Variants in NEURL2 observed in about 807,000 individuals in gnomAD.
The protein encoded by NEURL2 is neuralized E3 ubiquitin protein ligase 2.
Under a neutral mutation model 15.9 loss-of-function variants are expected in NEURL2, and 16 were observed. That is an observed-to-expected ratio of 1.01 (90% CI 0.68 to 1.53). NEURL2 has a LOEUF of 1.53. Among genes scored for constraint, NEURL2 ranks in the 40% most tolerant of loss-of-function variants. NEURL2 has a pLI of 0.00. For synonymous variants in NEURL2, 188 were observed against 178.3 expected (o/e 1.05, Z -0.43); for missense variants, 393 against 407.8 (o/e 0.96, Z 0.31).
chr20:45,890,774 TTCTC>T lies in NEURL2; in HGVS notation c.214_217del (p.Glu72LysfsTer13). On this transcript the variant is annotated frameshift_variant, in exon 1 of 2. Transcript: ENST00000372518. LOFTEE classifies it high-confidence loss of function. ...CAGATGTCCGCACCAGCCCAGCTCT[TTCTC>T]CTCGATCTCGACCAGGAAGACCTGG... The T allele has an allele frequency of 6.2e-7, 1 of 1,609,870 alleles. No individual in the cohort carries two copies. Among genetic ancestry groups the T allele is most frequent in the Non-Finnish European group, 8.5e-7 (1 of 1,177,766 alleles).
rs893927265 is a variant in NEURL2, at chr20:45,891,161, C to G, written c.-170G>C. 2 of 996,078 alleles carry G rather than the reference C, an allele frequency of 2.0e-6. No individual in the cohort carries two copies. Among genetic ancestry groups the G allele is most frequent in the South Asian group, 1.6e-5 (1 of 63,130 alleles). The allele number at this position is 996,078 out of a possible 1,614,324, so 61.7% of individuals were successfully genotyped here. A position where few individuals can be genotyped will look rare whatever the true frequency, so the allele number is the denominator to read the frequency against. On this transcript the variant is annotated 5_prime_UTR_variant, in exon 1 of 2. Coordinates refer to ENST00000372518, the MANE Select transcript of NEURL2 (RefSeq NM_080749.4). The surrounding 1 kb of genome is among the most constrained non-coding windows in gnomAD (Gnocchi z 4.6). ...TCAGCCATCCCGCCTACAACTTAGCCGTCCACAACAGGATCATCTGATCGC... is the reference window on the plus strand; with the variant it reads ...TCAGCCATCCCGCCTACAACTTAGCGGTCCACAACAGGATCATCTGATCGC...
At position 45,890,971 on chromosome 20, in the gene NEURL2, G is replaced by C; in HGVS notation, c.21C>G (p.Pro7=). The C allele has an allele frequency of 1.3e-6, 2 of 1,494,346 alleles. No homozygotes were observed. The highest frequency in any genetic ancestry group is 8.9e-7 in the Non-Finnish European group (1 of 1,121,728). 92.6% of individuals were successfully genotyped at this position (1,494,346 alleles called of 1,614,324 possible). A position where few individuals can be genotyped will look rare whatever the true frequency, so the allele number is the denominator to read the frequency against. MAAASE[P]VDSGALWGLE... is the part of the protein sequence containing the mutation. ...GTCCCCAGAGTGCACCCGAATCCAC[G>C]GGCTCGGAGGCAGCAGCCATCTCTC... is the stretch of plus-strand genomic sequence containing the variant. The change falls in exon 1 of 2, where the codon CCC becomes CCG. Residue 7 remains proline, a synonymous_variant. Coordinates refer to ENST00000372518, the MANE Select transcript of NEURL2 (RefSeq NM_080749.4).
At chr20:45,889,546 T>G (rs1029004072) in intron 1 of NEURL2, among the ~76,000 whole-genome samples, 2 of 152,026 alleles carry the variant, frequency 1.3e-5, no homozygotes, top group African/African-American at 4.8e-5. Flanking sequence ...ACAGATGGGG[T>G]CTCACTTTGT....
chr20:45,888,651 G>T lies in NEURL2; in HGVS notation c.*107C>A. The T allele has an allele frequency of 5.9e-6, 6 of 1,017,568 alleles. 1 individual carries two copies. The highest frequency in any genetic ancestry group is 3.0e-5 in the South Asian group (2 of 67,498). The allele number at this position is 1,017,568 out of a possible 1,614,324, so 63.0% of individuals were successfully genotyped here. A position where few individuals can be genotyped will look rare whatever the true frequency, so the allele number is the denominator to read the frequency against. On this transcript the variant is annotated 3_prime_UTR_variant, in exon 2 of 2. Coordinates refer to ENST00000372518, the MANE Select transcript of NEURL2 (RefSeq NM_080749.4). The stretch of plus-strand genomic sequence containing the variant: ...TCCAGTGATCAAGATGTCAGCATCG[G>T]CTGTTTATTTCTGGTCTTGGCTGGC...
At position 45,888,699 on chromosome 20, in the gene NEURL2, C is replaced by G; in HGVS notation, c.*59G>C. On this transcript the variant is annotated 3_prime_UTR_variant, in exon 2 of 2. Transcript: ENST00000372518. ...GGCAGCAATGTGGCCAACTTCGGACCAGCCAGCCACAGGTCTGGGGCTCCA... is the reference window on the plus strand; with the variant it reads ...GGCAGCAATGTGGCCAACTTCGGACGAGCCAGCCACAGGTCTGGGGCTCCA... The G allele has an allele frequency of 6.4e-7, 1 of 1,571,786 alleles. No homozygotes were observed. The highest frequency in any genetic ancestry group is 8.7e-7 in the Non-Finnish European group (1 of 1,148,240).
chr20:45,888,894 A>C, intron 1 of NEURL2, 21 bp from the exon 2 acceptor site: 1 of 1,613,878 alleles, frequency 6.2e-7, no homozygotes, highest in Non-Finnish European at 8.5e-7. Context: ...AAGACTGTGA[A>C]AGGCAAACTG....
chr20:45,889,357 CT>C (rs10709455), intron 1 of NEURL2, among the ~76,000 whole-genome samples: 19,451 of 145,220 alleles, frequency 0.13, 1,833 homozygotes, highest in African/African-American at 0.26. Context: ...TCTTTTCTTT[CT>C]TTTTTTTTTT....
intron 1 of NEURL2, among the ~76,000 whole-genome samples, chr20:45,889,788 A>T (rs914371803): frequency 1.4e-4 from 21 of 151,790 alleles, no homozygotes; most frequent in Non-Finnish European, 2.6e-4. Flanking sequence ...TACTTTTTGT[A>T]TTTTTAGTAG....
Position 45,890,962 on chromosome 20 carries a change from C to G in NEURL2, c.30G>C (p.Ser10=), listed in dbSNP as rs571518624. 1.0e-4 allele frequency: 154 copies of G among 1,502,444 alleles called. No individual in the cohort carries two copies. Among genetic ancestry groups the G allele is most frequent in the Non-Finnish European group, 1.3e-4 (149 of 1,125,578 alleles). 93.1% of individuals were successfully genotyped at this position (1,502,444 alleles called of 1,614,324 possible). MAAASEPVD[S]GALWGLERPE... ...GGCGCTCGAGTCCCCAGAGTGCACC[C>G]GAATCCACGGGCTCGGAGGCAGCAG... Residue 10 remains serine (S), a synonymous_variant, in exon 1 of 2, where the codon TCG becomes TCC. Coordinates refer to ENST00000372518, the MANE Select transcript of NEURL2 (RefSeq NM_080749.4).
chr20:45,888,842 C>A lies in NEURL2; in HGVS notation c.774G>T (p.Val258=), dbSNP rs761931744. Residue 258 remains valine, a synonymous_variant, in exon 2 of 2, where the codon GTG becomes GTT. Coordinates refer to ENST00000372518, the MANE Select transcript of NEURL2 (RefSeq NM_080749.4). The stretch of plus-strand genomic sequence containing the variant: ...GCCGGTGCACCATGCTCCTTTGTAT[C>A]ACTAGGCGGCACAGAGTCTGCAGGG... The part of the protein sequence containing the change: ...LPSLQTLCRL[V]IQRSMVHRLA... 1 of 1,613,988 alleles carries A rather than the reference C, an allele frequency of 6.2e-7. No homozygotes were observed. The highest frequency in any genetic ancestry group is 2.2e-5 in the East Asian group (1 of 44,894).
intron 1 of NEURL2, 69 bp downstream of exon 1, chr20:45,890,181 G>A (rs1478022389): frequency 1.3e-6 from 2 of 1,572,396 alleles, no homozygotes; most frequent in African/African-American, 2.7e-5. Flanking sequence ...TAGCACATGG[G>A]CTACGGAGCC....
chr20:45,891,205 C>G lies in NEURL2; in HGVS notation c.-214G>C. The G allele has an allele frequency of 1.8e-6, 2 of 1,119,316 alleles. No individual in the cohort carries two copies. Among genetic ancestry groups the G allele is most frequent in the South Asian group, 2.7e-5 (2 of 73,036 alleles). The allele number at this position is 1,119,316 out of a possible 1,614,324, so 69.3% of individuals were successfully genotyped here. A position where few individuals can be genotyped will look rare whatever the true frequency, so the allele number is the denominator to read the frequency against. ...TGATCGCGTGCGCCCGGGCTACGAT[C>G]TGCGAGGCCCGCGGACCTTGACCCG... On this transcript the variant is annotated 5_prime_UTR_variant, in exon 1 of 2. Transcript: ENST00000372518. This position sits in a 1 kb window ranked among gnomAD's most constrained non-coding sequence, Gnocchi z 4.6.
intron 1 of NEURL2, 65 bp from the exon 2 acceptor site, chr20:45,888,938 AGGTCTAGGTCATGGT>A (rs1759874886): frequency 6.3e-7 from 1 of 1,594,170 alleles, no homozygotes; most frequent in African/African-American, 1.3e-5. Flanking sequence ...AAGATCCAGA[AGGTCTAGGTCATGGT>A]CCCCACTTTG....
In NEURL2 at chr20:45,890,756, C is replaced by A. The variant is rs1376773374; in HGVS notation, c.236G>T (p.Gly79Val). Residue 79 changes from glycine to valine, a missense_variant, in exon 1 of 2, where the codon GGA becomes GTA. By Grantham distance (109) the Gly-to-Val change is moderately radical. Coordinates refer to ENST00000372518, the MANE Select transcript of NEURL2 (RefSeq NM_080749.4). ...EIEEKELGWC[G>V]HLRLGLTALD... ...CGCGGTCAGACCGAGACGCAGATGT[C>A]CGCACCAGCCCAGCTCTTTCTCCTC... 6.2e-7 allele frequency: 1 copy of A among 1,612,470 alleles called. No individual in the cohort carries two copies. Among genetic ancestry groups the A allele is most frequent in the Non-Finnish European group, 8.5e-7 (1 of 1,179,454 alleles).
rs773310703 is a variant in NEURL2 at position 45,890,594 on chromosome 20, G to A, written c.398C>T (p.Ala133Val). The A allele has an allele frequency of 3.7e-6, 6 of 1,612,342 alleles. No individual in the cohort carries two copies. The Admixed American group carries it at 5.0e-5, about 13-fold the overall frequency. The change falls in exon 1 of 2, where the codon GCG becomes GTG. Residue 133 changes from alanine (A) to valine (V), a missense_variant. Transcript: ENST00000372518. ...PREGRPEAEA[A>V]APSRPPTLLV... ...GAGGGTTGGAGGTCGGCTGGGGGCC[G>A]CTGCCTCCGCCTCCGGGCGGCCCTC... is the stretch of plus-strand genomic sequence containing the variant.
chr20:45,891,135 C>T lies in NEURL2; in HGVS notation c.-144G>A. 1 of 1,036,600 alleles carries T rather than the reference C, an allele frequency of 9.6e-7. No individual in the cohort carries two copies. The highest frequency in any genetic ancestry group is 1.4e-6 in the Non-Finnish European group (1 of 717,902). The allele number at this position is 1,036,600 out of a possible 1,614,324, so 64.2% of individuals were successfully genotyped here. A position where few individuals can be genotyped will look rare whatever the true frequency, so the allele number is the denominator to read the frequency against. ...TGCCCGGGGGTCCTAGCGCCGCTTT[C>T]TCAGCCATCCCGCCTACAACTTAGC... is the stretch of plus-strand genomic sequence containing the variant. On this transcript the variant is annotated 5_prime_UTR_variant, in exon 1 of 2. Transcript: ENST00000372518. The surrounding 1 kb of genome is among the most constrained non-coding windows in gnomAD (Gnocchi z 4.6).
rs534099187 is a variant in NEURL2 at position 45,891,079 on chromosome 20, A to G, written c.-88T>C. On this transcript the variant is annotated 5_prime_UTR_variant, in exon 1 of 2. An upstream start codon of the reference 5' UTR is lost. Transcript: ENST00000372518. This position sits in a 1 kb window ranked among gnomAD's most constrained non-coding sequence, Gnocchi z 4.6. Reference sequence around the variant, plus strand: ...TGACCGCAAGGCGACCTTGTAAGGCATTTCCCCCCTGACTCCCTTCCCCGA... The same window carrying G: ...TGACCGCAAGGCGACCTTGTAAGGCGTTTCCCCCCTGACTCCCTTCCCCGA... The G allele has an allele frequency of 3.4e-5, 46 of 1,333,692 alleles. No homozygotes were observed. Among genetic ancestry groups the G allele is most frequent in the African/African-American group, 2.2e-4 (15 of 67,944 alleles). The allele number at this position is 1,333,692 out of a possible 1,614,324, so 82.6% of individuals were successfully genotyped here. A position where few individuals can be genotyped will look rare whatever the true frequency, so the allele number is the denominator to read the frequency against.
intron 1 of NEURL2, 150 bp downstream of exon 1, chr20:45,890,100 G>T: frequency 3.7e-6 from 3 of 805,828 alleles, no homozygotes; most frequent in East Asian, 2.6e-5. Flanking sequence ...GCTTGTGCAA[G>T]ATCACAAGCA....
intron 1 of NEURL2, 85 bp from the exon 2 acceptor site, chr20:45,888,958 A>G: frequency 6.6e-7 from 1 of 1,522,124 alleles, no homozygotes; most frequent in Non-Finnish European, 9.0e-7. Flanking sequence ...CATGGTCCCC[A>G]CTTTGTCATT....
Sources: gnomAD v4.1 joint callset for allele counts (sites outside exome capture counted in the v4.1 genomes callset) on GRCh38, gnomAD v4.1.1 for gene constraint, Gnocchi (gnomAD v3.1) non-coding constraint, MANE v1.5 for transcripts, NCBI Gene and HGNC (gene_info 2026-07-23, HGNC 2026-07-21) for gene names.